Variants in DNAL1 observed in about 807,000 individuals in gnomAD.
DNAL1 encodes the protein dynein axonemal light chain 1.
DNAL1 carries 17 observed loss-of-function variants against 29.4 expected under a neutral mutation model. The ratio of observed to expected loss-of-function variants is 0.58; its 90% CI spans 0.40 to 0.87. The LOEUF is 0.87. Ranked by LOEUF, DNAL1 falls within the 40% of genes least tolerant of loss-of-function variation. DNAL1 has a pLI of 0.00. For synonymous variants in DNAL1, 78 were observed against 76.3 expected (o/e 1.02, Z -0.12); for missense variants, 188 against 214.1 (o/e 0.88, Z 0.76).
intron 5 of DNAL1, among the ~76,000 whole-genome samples, chr14:73,678,844 T>C (rs1024372866): frequency 1.3e-5 from 2 of 152,210 alleles, no homozygotes; most frequent in Non-Finnish European, 2.9e-5. Context: ...CCTCTGTGTG[T>C]TGAAATGGAA....
intron 1 of DNAL1, among the ~76,000 whole-genome samples, chr14:73,649,006 C>CT (rs1413295082): frequency 6.6e-6 from 1 of 151,682 alleles, no homozygotes; most frequent in Non-Finnish European, 1.5e-5. Flanking sequence ...GACAGAGTCT[C>CT]ACTCTGTTGC....
At chr14:73,658,344 T>A (rs1196902434) in intron 2 of DNAL1, among the ~76,000 whole-genome samples, 2 of 152,232 alleles carry the variant, frequency 1.3e-5, no homozygotes, top group African/African-American at 2.4e-5. Flanking sequence ...TGTGATAACA[T>A]CCAATTTTGT....
chr14:73,679,879 C>CT lies in DNAL1; in HGVS notation c.265-7368dup, dbSNP rs142899983. Among the ~76,000 whole-genome samples, 1,200 of 143,672 alleles carry CT rather than the reference C, an allele frequency of 8.4e-3. 18 individuals are homozygous for CT. Among genetic ancestry groups the CT allele is most frequent in the African/African-American group, 0.027 (1,044 of 39,324 alleles). The allele number at this position is 143,672 out of a possible 152,430, so 94.3% of individuals were successfully genotyped here. A position where few individuals can be genotyped will look rare whatever the true frequency, so the allele number is the denominator to read the frequency against. ...GTGTCATGAGGCGCAGGTATCATGTCTTTTTTTTTTTTCTTTAATTGGTTA... is the reference window on the plus strand; with the variant it reads ...GTGTCATGAGGCGCAGGTATCATGTCTTTTTTTTTTTTTCTTTAATTGGTTA... On this transcript the variant is annotated intron_variant, in intron 5 of 7. Coordinates refer to ENST00000553645, the MANE Select transcript of DNAL1 (RefSeq NM_031427.4).
At chr14:73,683,712 A>C (rs1465828695) in intron 5 of DNAL1, among the ~76,000 whole-genome samples, 2 of 140,492 alleles carry the variant, frequency 1.4e-5, no homozygotes, top group African/African-American at 5.5e-5. Context: ...TATTATTATT[A>C]TTATTCTTTT....
At position 73,697,914 on chromosome 14, in the gene DNAL1, C is replaced by T. The variant is rs1471065702; in HGVS notation, c.*1972C>T. On this transcript the variant is annotated 3_prime_UTR_variant, in exon 8 of 8. Transcript: ENST00000553645. ...GAACCATAGGCAATGAGCCTTCATTCTCCTTGGTGATGTTTTAAGTTCCAT... is the reference window on the plus strand; with the variant it reads ...GAACCATAGGCAATGAGCCTTCATTTTCCTTGGTGATGTTTTAAGTTCCAT... 4 of 152,022 alleles carry T rather than the reference C, an allele frequency of 2.6e-5. No individual in the cohort carries two copies. The highest frequency in any genetic ancestry group is 5.9e-5 in the Non-Finnish European group (4 of 68,016). 9.4% of individuals were successfully genotyped at this position (152,022 alleles called of 1,614,324 possible). A position where few individuals can be genotyped will look rare whatever the true frequency, so the allele number is the denominator to read the frequency against.
intron 1 of DNAL1, among the ~76,000 whole-genome samples, chr14:73,648,052 A>T (rs541295120): frequency 2.6e-4 from 40 of 152,004 alleles, no homozygotes; most frequent in Admixed American, 1.9e-3. Context: ...ATCTCGGCTC[A>T]CTGCAGCCTC....
intron 7 of DNAL1, among the ~76,000 whole-genome samples, chr14:73,692,610 GAAAA>G (rs59651369): frequency 1.6e-5 from 2 of 123,320 alleles, no homozygotes; most frequent in South Asian, 2.5e-4. Flanking sequence ...AGTGAGCCGA[GAAAA>G]AAAAAAAAAA....
rs1053892820 is a variant in DNAL1, at chr14:73,656,495, A to T, written c.42+1610A>T. 2.0e-5 allele frequency among the ~76,000 whole-genome samples: 3 copies of T among 148,524 alleles called. No homozygotes were observed. The East Asian group carries it at 5.9e-4, about 29-fold the overall frequency. ...GTCACCCAGGCTGGAGTGCAGTGGC[A>T]CAATCATAGCTCACTGCAGCCTCAG... On this transcript the variant is annotated intron_variant, in intron 2 of 7. Coordinates refer to ENST00000553645, the MANE Select transcript of DNAL1 (RefSeq NM_031427.4).
intron 4 of DNAL1, among the ~76,000 whole-genome samples, chr14:73,665,629 A>G (rs536868278): frequency 6.6e-6 from 1 of 152,192 alleles, no homozygotes; most frequent in South Asian, 2.1e-4. Context: ...TGTCTCTACT[A>G]AAAATACAAA....
chr14:73,661,981 T>G lies in DNAL1; in HGVS notation c.153-6T>G. The stretch of plus-strand genomic sequence containing the variant: ...CACATTAAATTTTTTCTTTGTTCTT[T>G]TAAAGGAAGCTTTCACTGTCTACAA... On this transcript the variant is annotated splice_region_variant and splice_polypyrimidine_tract_variant and intron_variant, in intron 3 of 7. Coordinates refer to ENST00000553645, the MANE Select transcript of DNAL1 (RefSeq NM_031427.4). The G allele has an allele frequency of 6.5e-7, 1 of 1,540,448 alleles. No homozygotes were observed. The highest frequency in any genetic ancestry group is 8.7e-7 in the Non-Finnish European group (1 of 1,143,200).
chr14:73,646,945 A>T (rs1302160338), intron 1 of DNAL1, among the ~76,000 whole-genome samples: 1 of 152,168 alleles, frequency 6.6e-6, no homozygotes, highest in East Asian at 1.9e-4. Context: ...ATAGTATTTC[A>T]ATTTAAAAAA....
chr14:73,696,671 T>G lies in DNAL1; in HGVS notation c.*729T>G, dbSNP rs1470369416. ...TGACTGTCATGATCATTTCTTTGACTGATAATGTGGCAATGTTACTCATGT... is the reference window on the plus strand; with the variant it reads ...TGACTGTCATGATCATTTCTTTGACGGATAATGTGGCAATGTTACTCATGT... On this transcript the variant is annotated 3_prime_UTR_variant, in exon 8 of 8. Transcript: ENST00000553645. 6.6e-6 allele frequency: 1 copy of G among 152,234 alleles called. No homozygotes were observed. Among genetic ancestry groups the G allele is most frequent in the Admixed American group, 6.5e-5 (1 of 15,280 alleles). 9.4% of individuals were successfully genotyped at this position (152,234 alleles called of 1,614,324 possible).
chr14:73,692,147 TC>T lies in DNAL1; in HGVS notation c.532+2634del, dbSNP rs555062365. Among the ~76,000 whole-genome samples, 8 of 152,038 alleles carry T rather than the reference TC, an allele frequency of 5.3e-5. No homozygotes were observed. In the South Asian group the frequency reaches 8.3e-4, roughly 16 times the overall value. On this transcript the variant is annotated intron_variant, in intron 7 of 7. Coordinates refer to ENST00000553645, the MANE Select transcript of DNAL1 (RefSeq NM_031427.4). ...TGATTTCAAATCATTTGTCTTTACTTCCTTCAGGGTTGTACGTAGAAAGCGA... is the reference window on the plus strand; with the variant it reads ...TGATTTCAAATCATTTGTCTTTACTTCTTCAGGGTTGTACGTAGAAAGCGA...
At chr14:73,688,073 GA>G (rs1470387408) in intron 6 of DNAL1, among the ~76,000 whole-genome samples, 4 of 151,894 alleles carry the variant, frequency 2.6e-5, no homozygotes, top group Admixed American at 6.6e-5. Context: ...TATTAATCAT[GA>G]AAAAAATTTA....
rs1268970786 is a variant in DNAL1 at position 73,696,563 on chromosome 14, A to C, written c.*621A>C. 6.6e-6 allele frequency: 1 copy of C among 152,228 alleles called. No homozygotes were observed. Among genetic ancestry groups the C allele is most frequent in the African/African-American group, 2.4e-5 (1 of 41,454 alleles). The allele number at this position is 152,228 out of a possible 1,614,324, so 9.4% of individuals were successfully genotyped here. On this transcript the variant is annotated 3_prime_UTR_variant, in exon 8 of 8. Transcript: ENST00000553645. The stretch of plus-strand genomic sequence containing the variant: ...TTTTCCAAAAATGTGCACATTGTCA[A>C]CTGGAATTTAGGTTGTTTTTATATG...
chr14:73,660,503 A>G (rs1891317839), intron 3 of DNAL1, among the ~76,000 whole-genome samples: 1 of 152,226 alleles, frequency 6.6e-6, no homozygotes, highest in East Asian at 1.9e-4. Context: ...GCAGGAGATC[A>G]GCCCCATCCC....
chr14:73,691,023 T>C (rs929262054), intron 7 of DNAL1, among the ~76,000 whole-genome samples: 3 of 152,184 alleles, frequency 2.0e-5, no homozygotes, highest in Admixed American at 2.0e-4. Context: ...CTGAGTCAAG[T>C]CCCAGCTCCT....
intron 1 of DNAL1, among the ~76,000 whole-genome samples, chr14:73,652,269 A>T (rs114076185): frequency 1.3e-5 from 2 of 151,540 alleles, no homozygotes; most frequent in Non-Finnish European, 2.9e-5. Flanking sequence ...TGTTCAGGTT[A>T]TATACATTTT....
intron 7 of DNAL1, among the ~76,000 whole-genome samples, chr14:73,694,293 C>G (rs1892247176): frequency 8.1e-6 from 1 of 123,988 alleles, no homozygotes; most frequent in Non-Finnish European, 1.8e-5. Flanking sequence ...TAAATAAAGT[C>G]TTCAGAGAAG....
Sources: allele counts gnomAD v4.1 joint callset (sites outside exome capture counted in the v4.1 genomes callset), GRCh38; gene constraint gnomAD v4.1.1; transcripts MANE v1.5; gene names NCBI Gene and HGNC (gene_info 2026-07-23, HGNC 2026-07-21).